The following WDPCP variants were observed in gnomAD, a reference collection of about 807,000 sequenced individuals.
WDPCP encodes the protein WD repeat containing planar cell polarity effector.
A neutral mutation model predicts 93.1 loss-of-function variants in WDPCP; 71 were observed. That is an observed-to-expected ratio of 0.76 (90% confidence interval 0.63 to 0.93). The LOEUF (loss-of-function observed/expected upper bound fraction) is 0.93, where lower values mean the gene tolerates loss of function less well. Among genes scored for constraint, WDPCP ranks in the 40% least tolerant of loss-of-function variants. The probability of loss-of-function intolerance (pLI) is 0.00; values close to 1 mark genes in which losing one functional copy is unlikely to be tolerated. For missense variants in WDPCP, 844 were observed against 887.4 expected (o/e 0.95, Z 0.62); for synonymous variants, 315 against 315.0 (o/e 1.00, Z 0.00).
intron 6 of WDPCP, among the ~76,000 whole-genome samples, chr2:63,455,439 T>TATAC (rs1463902775): frequency 1.3e-4 from 15 of 112,180 alleles, no homozygotes; most frequent in East Asian, 4.3e-4. Flanking sequence ...TATATATATA[T>TATAC]ACACACACAC....
chr2:63,322,412 T>A (rs1326060035), intron 12 of WDPCP, among the ~76,000 whole-genome samples: 2 of 152,184 alleles, frequency 1.3e-5, no homozygotes, highest in African/African-American at 4.8e-5. Flanking sequence ...TAAATCTTGC[T>A]GCTGCTCACT....
intron 2 of WDPCP, among the ~76,000 whole-genome samples, chr2:63,759,484 C>CT (rs1161099587): frequency 1.3e-5 from 2 of 152,170 alleles, no homozygotes; most frequent in Non-Finnish European, 2.9e-5. Flanking sequence ...AAATGTGAGG[C>CT]TTTTTGTCCA....
intron 2 of WDPCP, among the ~76,000 whole-genome samples, chr2:63,700,651 T>A (rs1669034746): frequency 6.6e-6 from 1 of 152,190 alleles, no homozygotes; most frequent in Non-Finnish European, 1.5e-5. Context: ...ATACCCAGCA[T>A]GGTACTCACA....
chr2:63,569,660 C>G (rs1258970742), intron 1 of WDPCP, among the ~76,000 whole-genome samples: 5 of 152,204 alleles, frequency 3.3e-5, no homozygotes, highest in Admixed American at 1.3e-4. Flanking sequence ...TTTGCTAACT[C>G]ACGTGGGCAA....
chr2:63,583,672 TC>T (rs1307550814), intron 1 of WDPCP, among the ~76,000 whole-genome samples: 2 of 110,532 alleles, frequency 1.8e-5, no homozygotes, highest in African/African-American at 9.6e-5. Flanking sequence ...AGAGCAAGAC[TC>T]CGTTTCAAAA....
intron 1 of WDPCP, among the ~76,000 whole-genome samples, chr2:63,579,903 T>G (rs1708384415): frequency 6.6e-6 from 1 of 152,196 alleles, no homozygotes; most frequent in Admixed American, 6.5e-5. Flanking sequence ...TCATGAGGGT[T>G]CTGTCCTCAT....
At chr2:63,816,217 A>G (rs1670930770) in intron 1 of WDPCP, among the ~76,000 whole-genome samples, 1 of 152,218 alleles carries the variant, frequency 6.6e-6, no homozygotes, top group Non-Finnish European at 1.5e-5. Flanking sequence ...CTGAAAACAA[A>G]TCTACAAAAA....
chr2:63,740,110 C>A (rs1669692241), intron 2 of WDPCP, among the ~76,000 whole-genome samples: 1 of 152,058 alleles, frequency 6.6e-6, no homozygotes, highest in South Asian at 2.1e-4. Context: ...GGATTATTTA[C>A]ATTTTGATGG....
chr2:63,366,780 G>A (rs1690945927), intron 12 of WDPCP, among the ~76,000 whole-genome samples: 1 of 152,022 alleles, frequency 6.6e-6, no homozygotes. Flanking sequence ...ATCCTGAAGT[G>A]GTTTATTTCA....
chr2:63,136,584 T>A (rs1670635893), intron 17 of WDPCP, among the ~76,000 whole-genome samples: 1 of 152,184 alleles, frequency 6.6e-6, no homozygotes, highest in Non-Finnish European at 1.5e-5. Context: ...TGTGTAGGTT[T>A]GTAACATAGG....
At position 63,683,579 on chromosome 2, in the gene WDPCP, G is replaced by A. The variant is rs931693574; in HGVS notation, n.309-32741C>T. Among the ~76,000 whole-genome samples, 12 of 152,266 alleles carry A rather than the reference G, an allele frequency of 7.9e-5. No homozygotes were observed. The South Asian group carries it at 1.0e-3, about 13-fold the overall frequency. Reference sequence around the variant, plus strand: ...TATAAAAAGAGACAAAGGGCTGGGCGCAGTGGCTCACATCTGTAATCCCAG... The same window carrying A: ...TATAAAAAGAGACAAAGGGCTGGGCACAGTGGCTCACATCTGTAATCCCAG... On this transcript the variant is annotated intron_variant and non_coding_transcript_variant, in intron 2 of 4. Transcript: ENST00000467687.
chr2:63,615,599 G>T (rs1357803728), intron 3 of WDPCP, among the ~76,000 whole-genome samples: 3 of 152,170 alleles, frequency 2.0e-5, no homozygotes, highest in Non-Finnish European at 4.4e-5. Context: ...TTTCCCTGCA[G>T]AATGGCAACA....
intron 13 of WDPCP, among the ~76,000 whole-genome samples, chr2:63,291,449 T>C (rs1250847336): frequency 6.6e-6 from 1 of 152,182 alleles, no homozygotes; most frequent in Non-Finnish European, 1.5e-5. Context: ...TAAGGCAAAT[T>C]AATGTCTCCA....
rs1669134404 is a variant in WDPCP at position 63,705,490 on chromosome 2, A to G, written n.309-54652T>C. ...TTGAATGTGTCCCAGAGATTCTGGTATGTTGTGTGTCTGTTCTCATTGGTT... is the reference window on the plus strand; with the variant it reads ...TTGAATGTGTCCCAGAGATTCTGGTGTGTTGTGTGTCTGTTCTCATTGGTT... On this transcript the variant is annotated intron_variant and non_coding_transcript_variant, in intron 2 of 4. Coordinates refer to the WDPCP transcript ENST00000467687. Among the ~76,000 whole-genome samples, 5 of 151,830 alleles carry G rather than the reference A, an allele frequency of 3.3e-5. No individual in the cohort carries two copies. In the South Asian group the frequency reaches 1.0e-3, roughly 32 times the overall value.
intron 17 of WDPCP, among the ~76,000 whole-genome samples, chr2:63,139,183 A>ACG (rs1228957261): frequency 1.3e-5 from 2 of 152,078 alleles, no homozygotes; most frequent in African/African-American, 4.8e-5. Flanking sequence ...ACACACACAC[A>ACG]CACACACACA....
At chr2:63,190,184 T>C (rs1218481395) in intron 14 of WDPCP, among the ~76,000 whole-genome samples, 3 of 151,898 alleles carry the variant, frequency 2.0e-5, no homozygotes, top group South Asian at 2.1e-4. Context: ...TCCCAGCAGT[T>C]TGGGAGGCTG....
chr2:63,717,432 G>A, intron 2 of WDPCP: 1 of 388,916 alleles, frequency 2.6e-6, no homozygotes, highest in Non-Finnish European at 5.0e-6. Context: ...GAATGCCAGA[G>A]GCTGCTGCCC....
At chr2:63,162,456 T>C (rs1432308523) in intron 15 of WDPCP, among the ~76,000 whole-genome samples, 1 of 152,216 alleles carries the variant, frequency 6.6e-6, no homozygotes, top group Non-Finnish European at 1.5e-5. Context: ...TTTAGTTGTT[T>C]TGAAATATGT....
chr2:63,837,140 A>T, the WDPCP span, among the ~76,000 whole-genome samples: 1 of 152,254 alleles, frequency 6.6e-6, no homozygotes, highest in Non-Finnish European at 1.5e-5. Flanking sequence ...CTGGTTCATT[A>T]ACAGGGTGTT....
Sources: gnomAD v4.1 joint callset for allele counts (sites outside exome capture counted in the v4.1 genomes callset) on GRCh38, gnomAD v4.1.1 for gene constraint, MANE v1.5 for transcripts, NCBI Gene and HGNC (gene_info 2026-07-23, HGNC 2026-07-21) for gene names.